Variants in ALK observed in about 807,000 individuals in gnomAD.
The protein encoded by ALK is ALK receptor tyrosine kinase, also known as ALK tyrosine kinase receptor.
In ALK, 74 loss-of-function variants were observed where a neutral mutation model predicts 163.1. The ratio of observed to expected loss-of-function variants is 0.45; its 90% CI spans 0.38 to 0.55. The LOEUF (loss-of-function observed/expected upper bound fraction) is 0.55, where lower values mean the gene tolerates loss of function less well. Among genes scored for constraint, ALK ranks in the 20% least tolerant of loss-of-function variants. The pLI is 0.00. For missense variants in ALK, 2,063 were observed against 2,105.3 expected (o/e 0.98, Z 0.39); for synonymous variants, 960 against 843.2 (o/e 1.14, Z -2.40).
At chr2:29,231,157 G>C (rs907560849) in intron 15 of ALK, among the ~76,000 whole-genome samples, 4 of 152,146 alleles carry the variant, frequency 2.6e-5, no homozygotes, top group Non-Finnish European at 5.9e-5. Flanking sequence ...GACCAACATG[G>C]AGAAACCACG....
At chr2:29,270,538 A>G (rs1165591156) in intron 11 of ALK, among the ~76,000 whole-genome samples, 10 of 152,214 alleles carry the variant, frequency 6.6e-5, no homozygotes, top group Middle Eastern at 3.2e-3. Context: ...TCCTTGAGGG[A>G]TGGTTAAAAA....
intron 4 of ALK, among the ~76,000 whole-genome samples, chr2:29,425,643 C>CCA (rs1670118221): frequency 3.3e-5 from 5 of 152,160 alleles, no homozygotes; most frequent in African/African-American, 1.2e-4. Flanking sequence ...GGGTGTCACT[C>CCA]TAAGAAAAGT....
At chr2:29,744,472 C>T (rs1680151916) in intron 1 of ALK, among the ~76,000 whole-genome samples, 1 of 152,108 alleles carries the variant, frequency 6.6e-6, no homozygotes, top group African/African-American at 2.4e-5. Flanking sequence ...CAGCTTGTCT[C>T]TGGTCAACTC....
chr2:29,217,593 C>T (rs1669676251), intron 23 of ALK, among the ~76,000 whole-genome samples: 1 of 152,168 alleles, frequency 6.6e-6, no homozygotes, highest in South Asian at 2.1e-4. Context: ...TTCATGTTTG[C>T]ACAGATGTTG....
At chr2:29,544,812 T>G (rs953218842) in intron 3 of ALK, among the ~76,000 whole-genome samples, 15 of 152,092 alleles carry the variant, frequency 9.9e-5, no homozygotes, top group Admixed American at 7.2e-4. Flanking sequence ...ACATTCCATA[T>G]CTGGCTTTCA....
intron 9 of ALK, among the ~76,000 whole-genome samples, chr2:29,296,131 A>G (rs1322010660): frequency 1.3e-5 from 2 of 152,170 alleles, no homozygotes; most frequent in Non-Finnish European, 2.9e-5. Context: ...GGAGTTAATG[A>G]TTTTCTAGTT....
chr2:29,807,846 T>C (rs1664659803), intron 1 of ALK, among the ~76,000 whole-genome samples: 1 of 152,238 alleles, frequency 6.6e-6, no homozygotes, highest in Admixed American at 6.5e-5. Context: ...CATGGATTAT[T>C]AAATAACATT....
chr2:29,718,728 T>C (rs1382203303), intron 1 of ALK, among the ~76,000 whole-genome samples: 1 of 152,096 alleles, frequency 6.6e-6, no homozygotes, highest in African/African-American at 2.4e-5. Context: ...GAGAGGCAAG[T>C]GATGGAAGCA....
chr2:29,220,868 A>G (rs773136429), intron 22 of ALK, 33 bp from the exon 23 acceptor site: 1 of 1,613,278 alleles, frequency 6.2e-7, no homozygotes, highest in Non-Finnish European at 8.5e-7. Flanking sequence ...ACCAAAATTA[A>G]CTGAGCTGAG....
At position 29,232,503 on chromosome 2, in the gene ALK, G is replaced by A. The variant is rs928712858; in HGVS notation, c.2488-55C>T. 12 of 1,610,624 alleles carry A rather than the reference G, an allele frequency of 7.5e-6. No individual in the cohort carries two copies. In the African/African-American group the frequency reaches 1.3e-4, roughly 18 times the overall value. ...AAACCGAGCTGTGCTTCCCCCTGGA[G>A]CCCCTAAGCTCTGGTAAATTCAACC... On this transcript the variant is annotated intron_variant, in intron 14 of 28. Transcript: ENST00000389048.
At chr2:29,804,471 G>A (rs936861342) in intron 1 of ALK, among the ~76,000 whole-genome samples, 4 of 152,222 alleles carry the variant, frequency 2.6e-5, no homozygotes, top group Non-Finnish European at 4.4e-5. Context: ...GCTTAAGACT[G>A]TAACCATTTA....
intron 3 of ALK, among the ~76,000 whole-genome samples, chr2:29,556,900 T>C (rs904691637): frequency 6.6e-6 from 1 of 152,232 alleles, no homozygotes; most frequent in Admixed American, 6.5e-5. Flanking sequence ...AGACAATTTG[T>C]AGTAAATTAT....
In ALK at chr2:29,824,520, G is replaced by A. The variant is rs530275894; in HGVS notation, c.667+95473C>T. On this transcript the variant is annotated intron_variant, in intron 1 of 28. Coordinates refer to ENST00000389048, the MANE Select transcript of ALK (RefSeq NM_004304.5). Reference sequence around the variant, plus strand: ...CAAAGCCACTGAGGCAGAGCTGTCCGAGGCTGTGGGAGCCCACCTCTTGCA... The same window carrying A: ...CAAAGCCACTGAGGCAGAGCTGTCCAAGGCTGTGGGAGCCCACCTCTTGCA... Among the ~76,000 whole-genome samples, 110 of 152,372 alleles carry A rather than the reference G, an allele frequency of 7.2e-4. 1 individual carries two copies. Among genetic ancestry groups the A allele is most frequent in the African/African-American group, 2.4e-3 (101 of 41,596 alleles).
At chr2:29,415,938 C>G (rs1669865266) in intron 4 of ALK, among the ~76,000 whole-genome samples, 1 of 152,164 alleles carries the variant, frequency 6.6e-6, no homozygotes, top group African/African-American at 2.4e-5. Flanking sequence ...CCACCCCTAC[C>G]CCGGCTGTAT....
chr2:29,559,768 CGTGTGTGTGTGT>C (rs56285031), intron 3 of ALK, among the ~76,000 whole-genome samples: 5 of 143,130 alleles, frequency 3.5e-5, no homozygotes, highest in South Asian at 2.4e-4. Context: ...GGAGCATGTA[CGTGTGTGTGTGT>C]GTGTGTGTGT....
chr2:29,663,327 T>A (rs1352945624), intron 3 of ALK, among the ~76,000 whole-genome samples: 1 of 152,204 alleles, frequency 6.6e-6, no homozygotes, highest in Non-Finnish European at 1.5e-5. Context: ...CACACTCTTA[T>A]TAATCACTTC....
At chr2:29,261,795 A>T (rs1665095377) in intron 11 of ALK, among the ~76,000 whole-genome samples, 1 of 152,136 alleles carries the variant, frequency 6.6e-6, no homozygotes, top group Non-Finnish European at 1.5e-5. Flanking sequence ...GTACTGCAGC[A>T]TGTCCACCCG....
intron 13 of ALK, among the ~76,000 whole-genome samples, chr2:29,238,613 C>T (rs146421692): frequency 0.011 from 1,684 of 152,236 alleles, 18 homozygotes; most frequent in Non-Finnish European, 0.016. Flanking sequence ...GCCATTTTTC[C>T]CCCTTTCCAA....
chr2:29,236,556 CCT>C (rs1664388976), intron 13 of ALK, among the ~76,000 whole-genome samples: 2 of 152,198 alleles, frequency 1.3e-5, no homozygotes, highest in Admixed American at 1.3e-4. Context: ...CCCCCGCACC[CCT>C]GCTTCTGATG....
Sources: allele counts gnomAD v4.1 joint callset (sites outside exome capture counted in the v4.1 genomes callset), GRCh38; gene constraint gnomAD v4.1.1; transcripts MANE v1.5; gene names NCBI Gene and HGNC (gene_info 2026-07-23, HGNC 2026-07-21).